CSMD3: variants seen among roughly 807,000 people sequenced by gnomAD.
CSMD3 encodes CUB and Sushi multiple domains 3, also known as CUB and sushi domain-containing protein 3.
A neutral mutation model predicts 435.2 loss-of-function variants in CSMD3; 177 were observed. The ratio of observed to expected loss-of-function variants is 0.41; its 90% CI spans 0.36 to 0.46. CSMD3 has a LOEUF of 0.46. CSMD3 is among the 20% of genes least tolerant of loss of function. The pLI is 0.34. For synonymous variants in CSMD3, 1,656 were observed against 1,520.5 expected, an observed-to-expected ratio of 1.09 and a Z score of -2.07; for missense variants, 4,265 against 4,504.6, an observed-to-expected ratio of 0.95 and a Z score of 1.52.
intron 27 of CSMD3, among the ~76,000 whole-genome samples, chr8:112,522,651 T>C (rs961986383): frequency 1.3e-5 from 2 of 151,950 alleles, no homozygotes; most frequent in African/African-American, 4.8e-5. Context: ...TGATATTATT[T>C]TGAAGCCAGG....
chr8:113,374,476 C>T (rs2094366106), intron 1 of CSMD3, among the ~76,000 whole-genome samples: 1 of 151,976 alleles, frequency 6.6e-6, no homozygotes, highest in African/African-American at 2.4e-5. Flanking sequence ...CTGAAAAATA[C>T]AGAAGTTCAA....
At chr8:113,306,462 C>T (rs1046696834) in intron 2 of CSMD3, among the ~76,000 whole-genome samples, 1 of 151,986 alleles carries the variant, frequency 6.6e-6, no homozygotes, top group African/African-American at 2.4e-5. Flanking sequence ...ATAAAACTAC[C>T]CTCTGGTCAT....
chr8:113,349,133 GAGAGAATTC>G (rs1478590135), intron 1 of CSMD3, among the ~76,000 whole-genome samples: 2 of 152,000 alleles, frequency 1.3e-5, no homozygotes, highest in Admixed American at 1.3e-4. Context: ...GTCTGTGGTG[GAGAGAATTC>G]CTTAGTGCCC....
chr8:112,588,150 T>C (rs750971069), intron 22 of CSMD3, among the ~76,000 whole-genome samples: 7 of 151,886 alleles, frequency 4.6e-5, no homozygotes, highest in African/African-American at 4.8e-5. Flanking sequence ...CAGAAATATT[T>C]ACATTTTCAA....
chr8:112,527,759 C>A (rs1207053761), intron 27 of CSMD3, among the ~76,000 whole-genome samples: 2 of 152,012 alleles, frequency 1.3e-5, no homozygotes, highest in African/African-American at 4.8e-5. Flanking sequence ...ACACAATCAA[C>A]TTTCAAAGAC....
chr8:112,757,171 T>C (rs1587195835), intron 13 of CSMD3, among the ~76,000 whole-genome samples: 2 of 152,278 alleles, frequency 1.3e-5, no homozygotes, highest in East Asian at 3.9e-4. Flanking sequence ...TTTGGCAACA[T>C]TTTAGTATAT....
At chr8:112,832,861 C>T (rs2079916422) in intron 11 of CSMD3, among the ~76,000 whole-genome samples, 1 of 152,116 alleles carries the variant, frequency 6.6e-6, no homozygotes, top group Admixed American at 6.6e-5. Context: ...ATATTCCTTT[C>T]ATTTTTCCCT....
At chr8:112,961,909 G>T (rs551064670) in intron 7 of CSMD3, among the ~76,000 whole-genome samples, 3 of 151,888 alleles carry the variant, frequency 2.0e-5, no homozygotes, top group Admixed American at 2.0e-4. Flanking sequence ...TAAAATGTCA[G>T]GATTATATGA....
intron 6 of CSMD3, among the ~76,000 whole-genome samples, chr8:113,015,365 A>G (rs902522279): frequency 6.6e-6 from 1 of 152,048 alleles, no homozygotes; most frequent in Non-Finnish European, 1.5e-5. Context: ...TGCTATTAAT[A>G]TATCTTTATT....
chr8:112,715,260 T>C (rs181397674), intron 13 of CSMD3, among the ~76,000 whole-genome samples: 2 of 152,114 alleles, frequency 1.3e-5, no homozygotes, highest in East Asian at 3.9e-4. Flanking sequence ...TGACCCCACA[T>C]AAATACAAAC....
chr8:112,839,407 G>A (rs231317), intron 11 of CSMD3, among the ~76,000 whole-genome samples: 38,434 of 151,610 alleles, frequency 0.25, 5,339 homozygotes, highest in Non-Finnish European at 0.32. Context: ...TAAATCCATA[G>A]CACCACAGTA....
chr8:112,699,172 T>G (rs1357702281), intron 13 of CSMD3, among the ~76,000 whole-genome samples: 2 of 152,102 alleles, frequency 1.3e-5, no homozygotes, highest in Non-Finnish European at 2.9e-5. Flanking sequence ...TGATAATAAA[T>G]CTTGCTGCTG....
chr8:112,767,522 C>CACATGTAAAACT (rs931344953), intron 13 of CSMD3, among the ~76,000 whole-genome samples: 5 of 151,804 alleles, frequency 3.3e-5, no homozygotes, highest in Non-Finnish European at 5.9e-5. Flanking sequence ...CTCTATGCCT[C>CACATGTAAAACT]AGTTTCCTCA....
intron 5 of CSMD3, among the ~76,000 whole-genome samples, chr8:113,064,668 G>A (rs2088775871): frequency 6.6e-6 from 1 of 152,172 alleles, no homozygotes. Flanking sequence ...TAGCTTGAGA[G>A]AGCTGATTCT....
At chr8:113,044,035 G>A (rs1335324660) in intron 5 of CSMD3, among the ~76,000 whole-genome samples, 1 of 151,820 alleles carries the variant, frequency 6.6e-6, no homozygotes, top group Non-Finnish European at 1.5e-5. Flanking sequence ...ATAGGTCAAT[G>A]GTTTTATAAA....
chr8:112,337,823 T>C (rs1180829109), intron 42 of CSMD3, 92 bp from the exon 43 acceptor site: 8 of 827,442 alleles, frequency 9.7e-6, no homozygotes, highest in South Asian at 6.8e-5. Context: ...TAAAAATAGA[T>C]GTGATGCTAC....
At chr8:112,291,265 T>C (rs1427824405) in intron 56 of CSMD3, among the ~76,000 whole-genome samples, 1 of 151,950 alleles carries the variant, frequency 6.6e-6, no homozygotes, top group Non-Finnish European at 1.5e-5. Context: ...ACTTTTCATA[T>C]TTTATATGCT....
intron 47 of CSMD3, among the ~76,000 whole-genome samples, chr8:112,315,171 A>C (rs1438242415): frequency 1.3e-5 from 2 of 151,882 alleles, no homozygotes; most frequent in African/African-American, 2.4e-5. Context: ...TCAGCTCTAC[A>C]CTATCTCCAG....
At chr8:112,790,105 G>A (rs1403484290) in intron 13 of CSMD3, among the ~76,000 whole-genome samples, 2 of 148,770 alleles carry the variant, frequency 1.3e-5, no homozygotes, top group Non-Finnish European at 3.0e-5. Context: ...ATTTATTGTG[G>A]TAAGTACTGT....
Sources: allele counts gnomAD v4.1 joint callset (sites outside exome capture counted in the v4.1 genomes callset), GRCh38; gene constraint gnomAD v4.1.1; transcripts MANE v1.5; gene names NCBI Gene and HGNC (gene_info 2026-07-23, HGNC 2026-07-21).